MATN3: variants seen among roughly 807,000 people sequenced by gnomAD.
MATN3 encodes the protein matrilin-3.
Under a neutral mutation model 45.3 loss-of-function variants are expected in MATN3, and 48 were observed. That is an observed-to-expected ratio of 1.06 (90% confidence interval 0.84 to 1.35). The LOEUF (loss-of-function observed/expected upper bound fraction) is 1.35, where lower values mean the gene tolerates loss of function less well. Among genes scored for constraint, MATN3 ranks in the 40% most tolerant of loss-of-function variants. MATN3 has a pLI of 0.00. For missense variants in MATN3, 599 were observed against 628.0 expected (o/e 0.95, Z 0.49); for synonymous variants, 217 against 245.9 (o/e 0.88, Z 1.10).
In MATN3 at chr2:20,006,247, G is replaced by T; in HGVS notation, c.287C>A (p.Pro96His). The T allele has an allele frequency of 6.2e-7, 1 of 1,610,332 alleles. No individual in the cohort carries two copies. Among genetic ancestry groups the T allele is most frequent in the Non-Finnish European group, 8.5e-7 (1 of 1,178,718 alleles). ...AGTTTTCACTTTGGTGAATTCCAGG[G>T]GCCGTACGCTACGAGAACTATCAAT... The part of the protein sequence containing the change: ...FIIDSSRSVR[P>H]LEFTKVKTFV... The change falls in exon 2 of 8, where the codon CCC becomes CAC. Residue 96 changes from proline (P) to histidine (H), a missense_variant. By Grantham distance (77) the Pro-to-His change is moderately conservative (BLOSUM62 -2). Coordinates refer to ENST00000407540, the MANE Select transcript of MATN3 (RefSeq NM_002381.5).
In MATN3 at chr2:19,995,875, T is replaced by A. The variant is rs1672856469; in HGVS notation, c.1294+1259A>T. On this transcript the variant is annotated intron_variant, in intron 6 of 7. Transcript: ENST00000407540. The surrounding 1 kb of genome is among the most constrained non-coding windows in gnomAD (Gnocchi z 4.2). ...TCATAAATTCATTAAATATAATCTA[T>A]CATCTATCCACCTGTCTGAATCCTA... is the stretch of plus-strand genomic sequence containing the variant. 6.6e-6 allele frequency among the ~76,000 whole-genome samples: 1 copy of A among 152,194 alleles called. No individual in the cohort carries two copies. The highest frequency in any genetic ancestry group is 2.1e-4 in the South Asian group (1 of 4,838).
intron 4 of MATN3, 107 bp from the exon 5 acceptor site, chr2:20,000,673 G>A (rs1672968628): frequency 5.2e-6 from 6 of 1,146,942 alleles, no homozygotes; most frequent in South Asian, 3.2e-5. Flanking sequence ...AAAACTTACT[G>A]GAAACTATTC....
intron 6 of MATN3, 58 bp downstream of exon 6, chr2:19,997,076 G>C (rs1672885938): frequency 6.3e-7 from 1 of 1,582,048 alleles, no homozygotes; most frequent in Non-Finnish European, 8.6e-7. Flanking sequence ...AAAGAAAAAA[G>C]CTTGCTCCTG....
intron 2 of MATN3, among the ~76,000 whole-genome samples, chr2:20,004,367 G>C (rs1434793524): frequency 6.6e-6 from 1 of 152,224 alleles, no homozygotes; most frequent in Non-Finnish European, 1.5e-5. Context: ...CTTTGCCACA[G>C]ACCAGCATGT....
In MATN3 at chr2:19,995,469, A is replaced by C. The variant is rs376177743; in HGVS notation, c.1295-1060T>G. 1.7e-4 allele frequency among the ~76,000 whole-genome samples: 26 copies of C among 152,194 alleles called. No homozygotes were observed. Among genetic ancestry groups the C allele is most frequent in the African/African-American group, 3.4e-4 (14 of 41,446 alleles). ...TGTCGTCTCAAAAAACAAAACAAAA[A>C]AAAAGGATAAAAACCAGGTTAAGTC... On this transcript the variant is annotated intron_variant, in intron 6 of 7. Transcript: ENST00000407540. The surrounding 1 kb of genome is among the most constrained non-coding windows in gnomAD (Gnocchi z 4.2).
chr2:19,993,579 G>T (rs1432958346), intron 7 of MATN3, among the ~76,000 whole-genome samples: 1 of 152,178 alleles, frequency 6.6e-6, no homozygotes, highest in Non-Finnish European at 1.5e-5. Context: ...TGTGAAGTTA[G>T]GAGAATGGTG....
At chr2:20,004,145 G>A (rs1374373381) in intron 2 of MATN3, 1 of 152,196 alleles carries the variant, frequency 6.6e-6, no homozygotes, top group Non-Finnish European at 1.5e-5. Context: ...AACAGGACAA[G>A]GCTAATATTT....
chr2:20,005,930 G>C lies in MATN3; in HGVS notation c.604C>G (p.Gln202Glu). 6.2e-7 allele frequency: 1 copy of C among 1,613,712 alleles called. No homozygotes were observed. Among genetic ancestry groups the C allele is most frequent in the South Asian group, 1.1e-5 (1 of 91,026 alleles). The change falls in exon 2 of 8, where the codon CAG becomes GAG. Residue 202 changes from glutamine to glutamate, a missense_variant. Coordinates refer to ENST00000407540, the MANE Select transcript of MATN3 (RefSeq NM_002381.5). ...GCCCGAGCCGCCACCTCATTCACCT[G>C]GTCCTGGGGCCTCCCATCTGTAACA... Reference protein sequence around the residue: ...IIVTDGRPQDQVNEVAARAQA... With the variant: ...IIVTDGRPQDEVNEVAARAQA...
chr2:20,007,745 A>G (rs1051101668), intron 1 of MATN3, among the ~76,000 whole-genome samples: 12 of 152,208 alleles, frequency 7.9e-5, no homozygotes, highest in Admixed American at 5.9e-4. Flanking sequence ...CTACAAAAGC[A>G]TATAAACCAG....
intron 4 of MATN3, 62 bp downstream of exon 4, chr2:20,001,893 C>G (rs1558372504): frequency 6.5e-7 from 1 of 1,527,900 alleles, no homozygotes; most frequent in East Asian, 2.3e-5. Context: ...ACCTGCCCTT[C>G]CATCACCGGG....
At chr2:20,007,085 G>A (rs1012031626) in intron 1 of MATN3, among the ~76,000 whole-genome samples, 2 of 152,200 alleles carry the variant, frequency 1.3e-5, no homozygotes, top group African/African-American at 4.8e-5. Flanking sequence ...GTGGGTGCCT[G>A]TATTCCCAGC....
chr2:19,995,433 A>G lies in MATN3; in HGVS notation c.1295-1024T>C, dbSNP rs1672846987. On this transcript the variant is annotated intron_variant, in intron 6 of 7. Transcript: ENST00000407540. This position sits in a 1 kb window ranked among gnomAD's most constrained non-coding sequence, Gnocchi z 4.2. ...GCACCACTGCACTCCAGCCTGGGTGACAGATTGAAATGTCGTCTCAAAAAA... is the reference window on the plus strand; with the variant it reads ...GCACCACTGCACTCCAGCCTGGGTGGCAGATTGAAATGTCGTCTCAAAAAA... 6.6e-6 allele frequency among the ~76,000 whole-genome samples: 1 copy of G among 152,212 alleles called. No homozygotes were observed. Among genetic ancestry groups the G allele is most frequent in the South Asian group, 2.1e-4 (1 of 4,834 alleles).
chr2:20,010,025 A>G (rs1227416392), intron 1 of MATN3, among the ~76,000 whole-genome samples: 1 of 137,662 alleles, frequency 7.3e-6, no homozygotes, highest in Admixed American at 8.1e-5. Context: ...GTCACAGACC[A>G]TGGTCACTCA....
At chr2:20,011,374 C>T (rs1485703112) in intron 1 of MATN3, among the ~76,000 whole-genome samples, 1 of 152,266 alleles carries the variant, frequency 6.6e-6, no homozygotes, top group Non-Finnish European at 1.5e-5. Flanking sequence ...ACCCCGGTAC[C>T]TCCTGCCTTA....
At chr2:20,003,108 A>G (rs1673019986) in intron 3 of MATN3, 53 bp downstream of exon 3, 3 of 1,603,692 alleles carry the variant, frequency 1.9e-6, no homozygotes, top group Non-Finnish European at 2.6e-6. Flanking sequence ...CAAAACCTGG[A>G]GCATAGGTTC....
intron 1 of MATN3, among the ~76,000 whole-genome samples, chr2:20,011,807 C>T (rs1180913257): frequency 2.6e-5 from 4 of 152,202 alleles, no homozygotes; most frequent in Non-Finnish European, 5.9e-5. Flanking sequence ...ACGACCTGCC[C>T]GCTTCGCTGC....
Position 19,993,132 on chromosome 2 carries a change from T to G in MATN3, c.1440A>C (p.Glu480Asp). ...DDILEKLKIN[E>D]YGQIHR Reference sequence around the variant, plus strand: ...CAATTTAACGATGTATTTGTCCATATTCATTTATTTTCAACTTCTCCAAAA... The same window carrying G: ...CAATTTAACGATGTATTTGTCCATAGTCATTTATTTTCAACTTCTCCAAAA... Residue 480 changes from glutamate to aspartate, a missense_variant, in exon 8 of 8, where the codon GAA becomes GAC. Coordinates refer to ENST00000407540, the MANE Select transcript of MATN3 (RefSeq NM_002381.5). 6.2e-7 allele frequency: 1 copy of G among 1,612,844 alleles called. No individual in the cohort carries two copies. Among genetic ancestry groups the G allele is most frequent in the Non-Finnish European group, 8.5e-7 (1 of 1,179,146 alleles).
At chr2:20,010,207 G>T (rs181469762) in intron 1 of MATN3, among the ~76,000 whole-genome samples, 60 of 151,490 alleles carry the variant, frequency 4.0e-4, no homozygotes, top group Admixed American at 1.4e-3. Context: ...ATTAGAAAAA[G>T]AAAAGGTGGG....
In MATN3 at chr2:19,993,034, T is replaced by A. The variant is rs1672789792; in HGVS notation, c.*77A>T. On this transcript the variant is annotated 3_prime_UTR_variant, in exon 8 of 8. Coordinates refer to ENST00000407540, the MANE Select transcript of MATN3 (RefSeq NM_002381.5). ...AAATTATTAGCAGGAACATTGGCAA[T>A]AACAGGTGTGCAAAAGAATGCATGA... 1 of 1,113,010 alleles carries A rather than the reference T, an allele frequency of 9.0e-7. No homozygotes were observed. Among genetic ancestry groups the A allele is most frequent in the Non-Finnish European group, 1.4e-6 (1 of 728,480 alleles). The allele number at this position is 1,113,010 out of a possible 1,614,324, so 68.9% of individuals were successfully genotyped here.
Sources: gnomAD v4.1 joint callset for allele counts (sites outside exome capture counted in the v4.1 genomes callset) on GRCh38, gnomAD v4.1.1 for gene constraint, Gnocchi (gnomAD v3.1) non-coding constraint, MANE v1.5 for transcripts, NCBI Gene and HGNC (gene_info 2026-07-23, HGNC 2026-07-21) for gene names.